Variants in OR6K3 observed in about 807,000 individuals in gnomAD.
The protein encoded by OR6K3 is olfactory receptor 6K3.
For synonymous variants in OR6K3, 169 were observed against 137.7 expected (o/e 1.23, Z -1.59); for missense variants, 396 against 382.5 (o/e 1.04, Z -0.29).
chr1:158,717,606 C>T lies in OR6K3; in HGVS notation c.510G>A (p.Gly170=). The part of the protein sequence containing the change: ...IVMISTLPFC[G]PNQIHQIFCD... Reference sequence around the variant, plus strand: ...AGAAGATCTGATGGATTTGGTTGGGCCCACAGAAAGGCAGTGTGGAAATCA... The same window carrying T: ...AGAAGATCTGATGGATTTGGTTGGGTCCACAGAAAGGCAGTGTGGAAATCA... Residue 170 remains glycine, a synonymous_variant, in exon 2 of 2, where the codon GGG becomes GGA. Transcript: ENST00000368145. The T allele has an allele frequency of 6.2e-7, 1 of 1,613,716 alleles. No homozygotes were observed. The highest frequency in any genetic ancestry group is 1.3e-5 in the African/African-American group (1 of 74,968).
In OR6K3 at chr1:158,718,293, T is replaced by C. The variant is rs866737121; in HGVS notation, c.-17-161A>G. ...GTACATATTGTCCAATGTTTGATTTTTTTCATATCAAACATTTTTTTTTGT... is the reference window on the plus strand; with the variant it reads ...GTACATATTGTCCAATGTTTGATTTCTTTCATATCAAACATTTTTTTTTGT... On this transcript the variant is annotated intron_variant, in intron 1 of 1. Coordinates refer to ENST00000368145, the MANE Select transcript of OR6K3 (RefSeq NM_001005327.3). 3 of 486,384 alleles carry C rather than the reference T, an allele frequency of 6.2e-6. 1 individual carries two copies. In the Middle Eastern group the frequency reaches 1.1e-3, roughly 186 times the overall value. 30.1% of individuals were successfully genotyped at this position (486,384 alleles called of 1,614,324 possible).
chr1:158,724,505 G>A (rs777609881), upstream of OR6K3: 20 of 252,592 alleles, frequency 7.9e-5, no homozygotes, highest in Middle Eastern at 4.3e-3. Flanking sequence ...CAGGCCAAGC[G>A]CAGCACAGGT....
Position 158,717,951 on chromosome 1 carries a change from G to C in OR6K3, c.165C>G (p.Leu55=). Residue 55 remains leucine, a synonymous_variant, in exon 2 of 2, where the codon CTC becomes CTG. Coordinates refer to ENST00000368145, the MANE Select transcript of OR6K3 (RefSeq NM_001005327.3). Reference sequence around the variant, plus strand: ...TGATAAAATTATACATGGGGTTGTGGAGATGGGTGTCCAGCCTTACAGCAG... The same window carrying C: ...TGATAAAATTATACATGGGGTTGTGCAGATGGGTGTCCAGCCTTACAGCAG... ...IFSAVRLDTH[L]HNPMYNFISI... is the part of the protein sequence containing the mutation. 6.2e-7 allele frequency: 1 copy of C among 1,613,656 alleles called. No individual in the cohort carries two copies. Among genetic ancestry groups the C allele is most frequent in the Non-Finnish European group, 8.5e-7 (1 of 1,179,726 alleles).
rs149356037 is a variant in OR6K3 at position 158,716,847 on chromosome 1, G to A, written c.*321C>T. On this transcript the variant is annotated 3_prime_UTR_variant, in exon 2 of 2. Coordinates refer to ENST00000368145, the MANE Select transcript of OR6K3 (RefSeq NM_001005327.3). ...AAAGCAATGGAAAGGGCCAGATGCG[G>A]TGGCTCACAGCTGTAATCCCAGCAT... The A allele has an allele frequency of 6.5e-3, 1,559 of 240,240 alleles. 18 individuals are homozygous for A. Among genetic ancestry groups the A allele is most frequent in the Non-Finnish European group, 0.01 (1,253 of 122,736 alleles). The allele number at this position is 240,240 out of a possible 1,614,324, so 14.9% of individuals were successfully genotyped here. A position where few individuals can be genotyped will look rare whatever the true frequency, so the allele number is the denominator to read the frequency against.
In OR6K3 at chr1:158,717,980, A is replaced by G; in HGVS notation, c.136T>C (p.Phe46Leu). The change falls in exon 2 of 2, where the codon TTC becomes CTC. Residue 46 changes from phenylalanine (F) to leucine (L), a missense_variant. Phe to Leu is a conservative substitution (Grantham distance 22). Transcript: ENST00000368145. ...TFIIIDNLLI[F>L]SAVRLDTHLH... is the part of the protein sequence containing the mutation. ...TGGGTGTCCAGCCTTACAGCAGAGA[A>G]GATTAATAAGTTATCAATGATAATA... 1.2e-6 allele frequency: 2 copies of G among 1,613,014 alleles called. No individual in the cohort carries two copies. Among genetic ancestry groups the G allele is most frequent in the Non-Finnish European group, 1.7e-6 (2 of 1,179,142 alleles).
At chr1:158,723,001 C>A (rs1030569255), upstream of OR6K3, among the ~76,000 whole-genome samples, 2 of 151,860 alleles carry the variant, frequency 1.3e-5, no homozygotes, top group Non-Finnish European at 2.9e-5. Context: ...CTTTTCAGTT[C>A]TTAGGTCATC....
intron 1 of OR6K3, 182 bp from the exon 2 acceptor site, chr1:158,718,314 T>C (rs546494589): frequency 2.1e-6 from 1 of 468,372 alleles, no homozygotes; most frequent in Non-Finnish European, 3.7e-6. Context: ...AACATTTTTT[T>C]TTGTATCAAA....
At chr1:158,718,628 G>A (rs576486012) in intron 1 of OR6K3, among the ~76,000 whole-genome samples, 34 of 150,534 alleles carry the variant, frequency 2.3e-4, no homozygotes, top group African/African-American at 8.3e-4. Context: ...GTATGAATAC[G>A]AATAAACATA....
upstream of OR6K3, chr1:158,724,947 A>G (rs1656357555): frequency 5.7e-6 from 1 of 174,780 alleles, no homozygotes; most frequent in African/African-American, 2.4e-5. Flanking sequence ...TCCCAATGAC[A>G]ATGAATATGT....
rs151330882 is a variant in OR6K3 at position 158,717,518 on chromosome 1, C to T, written c.598G>A (p.Val200Met). 9.3e-4 allele frequency: 1,502 copies of T among 1,613,736 alleles called. 10 individuals are homozygous for T. The African/African-American group carries it at 0.017, about 18-fold the overall frequency. ...ATGATGATGGTCACAGCATGAATCA[C>T]ATCCTCAATCAGAATCATGGACGTG... ...TDTSMILIED[V>M]IHAVTIIITF... is the part of the protein sequence containing the mutation. Residue 200 changes from valine (V) to methionine (M), a missense_variant, in exon 2 of 2, where the codon GTG becomes ATG. Val to Met is a conservative substitution (Grantham distance 21, BLOSUM62 1). Transcript: ENST00000368145.
chr1:158,718,169 G>A, intron 1 of OR6K3, 37 bp from the exon 2 acceptor site: 2 of 1,075,082 alleles, frequency 1.9e-6, no homozygotes, highest in South Asian at 1.5e-5. Flanking sequence ...CACATGAGAG[G>A]GTAGAGAAAA....
At chr1:158,719,031 C>G (rs1656235098) in intron 1 of OR6K3, among the ~76,000 whole-genome samples, 1 of 151,990 alleles carries the variant, frequency 6.6e-6, no homozygotes, top group Admixed American at 6.6e-5. Flanking sequence ...CAATGCCCTG[C>G]TAATTACTAA....
At chr1:158,719,033 A>G (rs551244342) in intron 1 of OR6K3, among the ~76,000 whole-genome samples, 1 of 152,042 alleles carries the variant, frequency 6.6e-6, no homozygotes, top group South Asian at 2.1e-4. Flanking sequence ...ATGCCCTGCT[A>G]ATTACTAATG....
upstream of OR6K3, chr1:158,724,544 G>T (rs1004036444): frequency 1.5e-5 from 4 of 261,206 alleles, no homozygotes; most frequent in Admixed American, 8.1e-5. Context: ...TGGTGGATTT[G>T]GTTGGGTCCA....
upstream of OR6K3, among the ~76,000 whole-genome samples, chr1:158,723,152 T>C (rs554252524): frequency 6.6e-6 from 1 of 151,984 alleles, no homozygotes; most frequent in Non-Finnish European, 1.5e-5. Flanking sequence ...TGGCAATGCA[T>C]AGACATTTTA....
Position 158,717,453 on chromosome 1 carries a change from G to A in OR6K3, c.663C>T (p.Val221=). 1 of 1,613,668 alleles carries A rather than the reference G, an allele frequency of 6.2e-7. No homozygotes were observed. Among genetic ancestry groups the A allele is most frequent in the South Asian group, 1.1e-5 (1 of 91,076 alleles). The change falls in exon 2 of 2, where the codon GTC becomes GTT. Residue 221 remains valine (V), a synonymous_variant. Transcript: ENST00000368145. ...LIIALSYVRI[V]TVILRIPSSE... is the part of the protein sequence containing the mutation. ...AAGAGGGAATCCTCAATATCACAGT[G>A]ACAATTCTTACATAGGACAGGGCAA...
chr1:158,717,123 A>G lies in OR6K3; in HGVS notation c.*45T>C. 7.3e-7 allele frequency: 1 copy of G among 1,364,960 alleles called. No individual in the cohort carries two copies. The allele number at this position is 1,364,960 out of a possible 1,614,324, so 84.6% of individuals were successfully genotyped here. On this transcript the variant is annotated 3_prime_UTR_variant, in exon 2 of 2. Coordinates refer to ENST00000368145, the MANE Select transcript of OR6K3 (RefSeq NM_001005327.3). ...ACAAGAGTGAAACTCCATCTCAAAA[A>G]ACAAAACAAAACAAAAGCAACGGAA... is the stretch of plus-strand genomic sequence containing the variant.
upstream of OR6K3, chr1:158,720,776 C>T (rs758979395): frequency 1.3e-5 from 2 of 152,012 alleles, no homozygotes; most frequent in African/African-American, 4.8e-5. Context: ...ATAGTCTCTC[C>T]ATAGGGCATC....
rs1656164695 is a variant in OR6K3, at chr1:158,717,101, A to G, written c.*67T>C. The G allele has an allele frequency of 5.4e-6, 6 of 1,103,826 alleles. No homozygotes were observed. In the South Asian group the frequency reaches 8.7e-5, roughly 16 times the overall value. 68.4% of individuals were successfully genotyped at this position (1,103,826 alleles called of 1,614,324 possible). On this transcript the variant is annotated 3_prime_UTR_variant, in exon 2 of 2. Coordinates refer to ENST00000368145, the MANE Select transcript of OR6K3 (RefSeq NM_001005327.3). ...CCATTGCACTCCAGCCCAGGCAACA[A>G]GAGTGAAACTCCATCTCAAAAAACA...
Sources: allele counts gnomAD v4.1 joint callset (sites outside exome capture counted in the v4.1 genomes callset), GRCh38; gene constraint gnomAD v4.1.1; transcripts MANE v1.5; gene names NCBI Gene and HGNC (gene_info 2026-07-23, HGNC 2026-07-21).